Variants in DNM3 observed in about 807,000 individuals in gnomAD.
The protein encoded by DNM3 is dynamin-3.
Under a neutral mutation model 101.6 loss-of-function variants are expected in DNM3, and 47 were observed. That is an observed-to-expected ratio of 0.46 (90% CI 0.37 to 0.59). The LOEUF (loss-of-function observed/expected upper bound fraction) is 0.59, where lower values mean the gene tolerates loss of function less well. Ranked by LOEUF, DNM3 falls within the 20% of genes least tolerant of loss-of-function variation. The pLI is 0.00. For synonymous variants in DNM3, 385 were observed against 387.9 expected (o/e 0.99, Z 0.09); for missense variants, 849 against 1,085.7 (o/e 0.78, Z 3.06).
At chr1:172,028,205 C>T (rs948134517) in intron 4 of DNM3, among the ~76,000 whole-genome samples, 13 of 152,120 alleles carry the variant, frequency 8.5e-5, no homozygotes, top group Non-Finnish European at 1.6e-4. Context: ...GAATGGAAAT[C>T]GTAACTAACA....
intron 16 of DNM3, among the ~76,000 whole-genome samples, chr1:172,319,593 AAAG>A (rs1441154151): frequency 1.3e-5 from 2 of 152,276 alleles, no homozygotes; most frequent in African/African-American, 4.8e-5. Flanking sequence ...ACACTTCTGA[AAAG>A]AAGACATTTA....
intron 15 of DNM3, among the ~76,000 whole-genome samples, chr1:172,284,479 TA>T (rs2063619855): frequency 6.6e-6 from 1 of 152,176 alleles, no homozygotes; most frequent in Non-Finnish European, 1.5e-5. Context: ...TGCCAGAATA[TA>T]AGCTTCATGA....
At chr1:172,047,027 A>G (rs2049865050) in intron 9 of DNM3, among the ~76,000 whole-genome samples, 1 of 151,332 alleles carries the variant, frequency 6.6e-6, no homozygotes, top group African/African-American at 2.4e-5. Context: ...TATGCCTGTA[A>G]GATGATAAGA....
chr1:172,219,648 A>G (rs1163259114), intron 14 of DNM3, among the ~76,000 whole-genome samples: 2 of 152,044 alleles, frequency 1.3e-5, no homozygotes, highest in Non-Finnish European at 2.9e-5. Flanking sequence ...TAGAACGCAA[A>G]AGACTCAATC....
chr1:171,980,767 ATTTT>A (rs35033942), intron 2 of DNM3, among the ~76,000 whole-genome samples: 1 of 110,242 alleles, frequency 9.1e-6, no homozygotes, highest in Non-Finnish European at 1.9e-5. Flanking sequence ...AAATCTACAG[ATTTT>A]TTTTTTTTTT....
chr1:171,993,498 C>CTTTTTTTTTTT (rs145178902), intron 4 of DNM3, among the ~76,000 whole-genome samples: 44 of 128,648 alleles, frequency 3.4e-4, no homozygotes, highest in African/African-American at 1.0e-3. Flanking sequence ...TTTCAAGATT[C>CTTTTTTTTTTT]TTTTTTTTTT....
At chr1:172,228,879 A>G (rs1459813613) in intron 14 of DNM3, among the ~76,000 whole-genome samples, 1 of 152,172 alleles carries the variant, frequency 6.6e-6, no homozygotes, top group Non-Finnish European at 1.5e-5. Context: ...CCACAAGTTG[A>G]GTCTAAAGTG....
chr1:172,364,453 G>A (rs2067903562), intron 17 of DNM3, among the ~76,000 whole-genome samples: 1 of 151,792 alleles, frequency 6.6e-6, no homozygotes, highest in Non-Finnish European at 1.5e-5. Context: ...AGGAGTGGAA[G>A]AGCACATTAA....
At chr1:172,377,495 A>G (rs999647132) in intron 17 of DNM3, among the ~76,000 whole-genome samples, 2 of 149,258 alleles carry the variant, frequency 1.3e-5, no homozygotes, top group Non-Finnish European at 3.0e-5. Flanking sequence ...ATTTCTTTAT[A>G]TAGAAGATGT....
intron 15 of DNM3, among the ~76,000 whole-genome samples, chr1:172,272,335 T>C (rs2063119424): frequency 2.6e-5 from 4 of 152,134 alleles, no homozygotes; most frequent in Admixed American, 1.3e-4. Context: ...GAATTAATAT[T>C]TTTAACTGCT....
chr1:171,924,304 A>G (rs959408288), intron 2 of DNM3, among the ~76,000 whole-genome samples: 9 of 152,180 alleles, frequency 5.9e-5, no homozygotes, highest in African/African-American at 1.9e-4. Flanking sequence ...CCAATAGTTT[A>G]TAAGTGTTCC....
In DNM3 at chr1:172,025,588, G is replaced by A. The variant is rs1311368422; in HGVS notation, c.590-6814G>A. Among the ~76,000 whole-genome samples the A allele has an allele frequency of 9.2e-5, 14 of 152,300 alleles. 1 individual carries two copies. The highest frequency in any genetic ancestry group is 1.8e-4 in the Non-Finnish European group (12 of 68,016). On this transcript the variant is annotated intron_variant, in intron 4 of 20. Coordinates refer to ENST00000627582, the MANE Select transcript of DNM3 (RefSeq NM_015569.5). ...CATCTTGTGGGTGCCCCTCTGGGAC[G>A]AAACTTCCAGAGGAAGGAACAGACA... is the stretch of plus-strand genomic sequence containing the variant.
intron 14 of DNM3, among the ~76,000 whole-genome samples, chr1:172,230,215 T>G (rs1348482943): frequency 6.6e-6 from 1 of 152,166 alleles, no homozygotes; most frequent in Non-Finnish European, 1.5e-5. Flanking sequence ...GGGACAAAGC[T>G]CTTCATTAGG....
intron 12 of DNM3, among the ~76,000 whole-genome samples, chr1:172,086,556 G>A (rs1464220313): frequency 6.6e-6 from 1 of 151,622 alleles, no homozygotes; most frequent in Non-Finnish European, 1.5e-5. Context: ...TGCAATGAAG[G>A]CAATAAATTT....
At chr1:172,146,183 G>A (rs534694044) in intron 14 of DNM3, among the ~76,000 whole-genome samples, 3 of 152,240 alleles carry the variant, frequency 2.0e-5, no homozygotes, top group Admixed American at 6.5e-5. Flanking sequence ...ATACTTTTTA[G>A]AAGTAGAAAA....
chr1:171,885,709 A>T (rs1386502699), intron 1 of DNM3, among the ~76,000 whole-genome samples: 2 of 152,138 alleles, frequency 1.3e-5, no homozygotes, highest in Non-Finnish European at 2.9e-5. Context: ...GTAGCAGGAA[A>T]CTGGGACTCT....
Position 171,989,626 on chromosome 1 carries a change from A to G in DNM3, c.589+478A>G, listed in dbSNP as rs140567068. ...TTTAGCTTATAATTATTTGAGAAAA[A>G]ATGTACGTATAAGCAGGGATTTATT... On this transcript the variant is annotated intron_variant, in intron 4 of 20. Coordinates refer to ENST00000627582, the MANE Select transcript of DNM3 (RefSeq NM_015569.5). Among the ~76,000 whole-genome samples, 461 of 152,288 alleles carry G rather than the reference A, an allele frequency of 3.0e-3. 3 individuals are homozygous for G. The highest frequency in any genetic ancestry group is 0.01 in the African/African-American group (417 of 41,576).
At chr1:171,920,416 G>A (rs1339870162) in intron 1 of DNM3, among the ~76,000 whole-genome samples, 1 of 152,180 alleles carries the variant, frequency 6.6e-6, no homozygotes, top group Non-Finnish European at 1.5e-5. Flanking sequence ...ACCTTGGTGA[G>A]CATCAGAAAC....
At position 172,253,593 on chromosome 1, in the gene DNM3, G is replaced by T; in HGVS notation, c.1680G>T (p.Met560Ile). ...AATAGGAAAAAGAAAAGAAGTACAT[G>T]CTTCCCTTGGACAACCTGAAAGTTC... ...KDDEEKEKKYMLPLDNLKVRD... is the reference protein window; with the variant it reads ...KDDEEKEKKYILPLDNLKVRD... The change falls in exon 15 of 21, where the codon ATG (methionine) becomes ATT (isoleucine). Residue 560 changes from methionine to isoleucine, a missense_variant. Physicochemically the swap from Met to Ile is conservative, Grantham distance 10 (BLOSUM62 1). Coordinates refer to ENST00000627582, the MANE Select transcript of DNM3 (RefSeq NM_015569.5). 1.3e-6 allele frequency: 2 copies of T among 1,571,966 alleles called. No homozygotes were observed. The highest frequency in any genetic ancestry group is 1.7e-6 in the Non-Finnish European group (2 of 1,158,542).
Sources: gnomAD v4.1 joint callset for allele counts (sites outside exome capture counted in the v4.1 genomes callset) on GRCh38, gnomAD v4.1.1 for gene constraint, MANE v1.5 for transcripts, NCBI Gene and HGNC (gene_info 2026-07-23, HGNC 2026-07-21) for gene names.